COA8: variants seen among roughly 807,000 people sequenced by gnomAD.
COA8 encodes the protein cytochrome c oxidase assembly factor 8.
In COA8, 20 loss-of-function variants were observed where a neutral mutation model predicts 22.0. The observed-to-expected ratio is 0.91, with a 90% CI of 0.64 to 1.32. The LOEUF is 1.32. Ranked by LOEUF, COA8 falls within the 40% of genes most tolerant of loss-of-function variation. The probability of loss-of-function intolerance (pLI) is 0.00; values close to 1 mark genes in which losing one functional copy is unlikely to be tolerated. For missense variants in COA8, 266 were observed against 230.0 expected (o/e 1.16, Z -1.01); for synonymous variants, 105 against 79.9 (o/e 1.31, Z -1.68).
intron 1 of COA8, among the ~76,000 whole-genome samples, chr14:103,571,300 C>T (rs1161976684): frequency 6.6e-6 from 1 of 151,748 alleles, no homozygotes; most frequent in Admixed American, 6.6e-5. Context: ...ACCTGGGAGG[C>T]GGAGCTTGCA....
In COA8 at chr14:103,590,622, C is replaced by G. The variant is rs1460647890; in HGVS notation, c.*336C>G. 1 of 192,914 alleles carries G rather than the reference C, an allele frequency of 5.2e-6. No homozygotes were observed. Among genetic ancestry groups the G allele is most frequent in the Non-Finnish European group, 1.1e-5 (1 of 93,576 alleles). 12.0% of individuals were successfully genotyped at this position (192,914 alleles called of 1,614,324 possible). A position where few individuals can be genotyped will look rare whatever the true frequency, so the allele number is the denominator to read the frequency against. ...GTGGCTCACACCTGTAATCCCAGCA[C>G]TTTGGGAGGCCGAGGCGGGTGGATC... On this transcript the variant is annotated 3_prime_UTR_variant, in exon 5 of 5. Coordinates refer to ENST00000409074, the MANE Select transcript of COA8 (RefSeq NM_001370595.2).
At chr14:103,588,780 T>A (rs1033660223) in intron 4 of COA8, among the ~76,000 whole-genome samples, 4 of 152,082 alleles carry the variant, frequency 2.6e-5, no homozygotes, top group African/African-American at 9.7e-5. Context: ...AGGTGGAGGT[T>A]GCAGTGAGCC....
intron 1 of COA8, among the ~76,000 whole-genome samples, chr14:103,568,995 G>A (rs568254137): frequency 3.3e-5 from 5 of 152,160 alleles, no homozygotes; most frequent in Admixed American, 6.5e-5. Flanking sequence ...ATGCAGATTC[G>A]GCCTGACCAG....
intron 1 of COA8, chr14:103,563,500 A>G (rs2076109346): frequency 8.0e-6 from 3 of 375,756 alleles, no homozygotes; most frequent in South Asian, 6.7e-5. Flanking sequence ...TGTTACAATT[A>G]TTAGTGCTTT....
chr14:103,574,099 T>TA lies in COA8; in HGVS notation c.322-8_322-7insA. On this transcript the variant is annotated splice_region_variant and splice_polypyrimidine_tract_variant and intron_variant, in intron 2 of 4. Transcript: ENST00000409074. ...GAGCCTTTTTTTTTTTTTTTTTTTTTTTTTAAGGAAAAAGAAGAATTTATT... is the reference window on the plus strand; with the variant it reads ...GAGCCTTTTTTTTTTTTTTTTTTTTTATTTTAAGGAAAAAGAAGAATTTATT... 1 of 1,533,280 alleles carries TA rather than the reference T, an allele frequency of 6.5e-7. No homozygotes were observed. Among genetic ancestry groups the TA allele is most frequent in the Non-Finnish European group, 8.7e-7 (1 of 1,147,778 alleles). The allele number at this position is 1,533,280 out of a possible 1,614,324, so 95.0% of individuals were successfully genotyped here. A position where few individuals can be genotyped will look rare whatever the true frequency, so the allele number is the denominator to read the frequency against.
intron 1 of COA8, among the ~76,000 whole-genome samples, chr14:103,566,069 A>G (rs1019127680): frequency 1.3e-5 from 2 of 152,100 alleles, no homozygotes; most frequent in African/African-American, 4.8e-5. Flanking sequence ...TTTTAACCCC[A>G]TCTTCTTTTT....
intron 2 of COA8, among the ~76,000 whole-genome samples, chr14:103,572,812 C>T (rs1417396063): frequency 1.3e-5 from 2 of 150,096 alleles, no homozygotes; most frequent in African/African-American, 4.9e-5. Flanking sequence ...GAGACGGAGT[C>T]TCGCTCTGTC....
rs1414839301 is a variant in COA8 at position 103,574,147 on chromosome 14, G to T, written c.362G>T (p.Gly121Val). 3 of 1,594,938 alleles carry T rather than the reference G, an allele frequency of 1.9e-6. No homozygotes were observed. The highest frequency in any genetic ancestry group is 1.7e-6 in the Non-Finnish European group (2 of 1,170,490). ...ATTCACTCAAGACTAAAAACTAAAG[G>T]CCTGGGCCTGAGAACTGAATCAGGT... Reference protein sequence around the residue: ...EFIHSRLKTKGLGLRTESGQK... With the variant: ...EFIHSRLKTKVLGLRTESGQK... The change falls in exon 3 of 5, where the codon GGC becomes GTC. Residue 121 changes from glycine (G) to valine (V), a missense_variant. Coordinates refer to ENST00000409074, the MANE Select transcript of COA8 (RefSeq NM_001370595.2).
At chr14:103,580,799 T>G (rs2076262258) in intron 3 of COA8, among the ~76,000 whole-genome samples, 2 of 139,568 alleles carry the variant, frequency 1.4e-5, no homozygotes, top group East Asian at 2.1e-4. Context: ...GGCCTGTTGT[T>G]TTTTTTTTTT....
At chr14:103,572,819 T>C (rs1254435755) in intron 2 of COA8, among the ~76,000 whole-genome samples, 4 of 151,726 alleles carry the variant, frequency 2.6e-5, no homozygotes, top group Non-Finnish European at 5.9e-5. Context: ...AGTCTCGCTC[T>C]GTCACCAAGC....
At chr14:103,569,888 G>T (rs1324727276) in intron 1 of COA8, among the ~76,000 whole-genome samples, 1 of 152,064 alleles carries the variant, frequency 6.6e-6, no homozygotes, top group Non-Finnish European at 1.5e-5. Context: ...ACGGAGTCTC[G>T]CTCTGTCGCC....
At chr14:103,573,467 G>A (rs558552465) in intron 2 of COA8, among the ~76,000 whole-genome samples, 76 of 152,130 alleles carry the variant, frequency 5.0e-4, no homozygotes, top group Middle Eastern at 3.4e-3. Context: ...CATCGTGCCC[G>A]GCAACATTTA....
intron 1 of COA8, 99 bp from the exon 2 acceptor site, chr14:103,571,524 G>T: frequency 8.0e-7 from 1 of 1,243,630 alleles, no homozygotes; most frequent in South Asian, 1.4e-5. Context: ...GCAACAGAGC[G>T]AGACTCCGTC....
intron 1 of COA8, among the ~76,000 whole-genome samples, chr14:103,566,274 A>T (rs940668841): frequency 2.0e-5 from 3 of 152,100 alleles, no homozygotes; most frequent in African/African-American, 7.2e-5. Flanking sequence ...TACAAAAATT[A>T]GCCGGGCATG....
chr14:103,565,118 G>C (rs1250896718), intron 1 of COA8, among the ~76,000 whole-genome samples: 1 of 151,858 alleles, frequency 6.6e-6, no homozygotes, highest in African/African-American at 2.4e-5. Context: ...GCCACGCCTG[G>C]TTAATTTTTT....
chr14:103,575,136 G>A (rs888926910), intron 3 of COA8, among the ~76,000 whole-genome samples: 4 of 152,228 alleles, frequency 2.6e-5, no homozygotes, highest in African/African-American at 7.2e-5. Flanking sequence ...GCGTGTGTAC[G>A]CATGTGTGTG....
At chr14:103,575,166 A>ATG (rs1566981339) in intron 3 of COA8, among the ~76,000 whole-genome samples, 1 of 152,178 alleles carries the variant, frequency 6.6e-6, no homozygotes, top group Non-Finnish European at 1.5e-5. Context: ...ACGTGTGTAC[A>ATG]TGTGTGTGTG....
rs568010188 is a variant in COA8 at position 103,567,902 on chromosome 14, A to G, written c.124-3721A>G. ...TGGATAGCTCTCCCATCTCGTTGGCATTCCTGAAATTAGGAGACTGTTTTC... is the reference window on the plus strand; with the variant it reads ...TGGATAGCTCTCCCATCTCGTTGGCGTTCCTGAAATTAGGAGACTGTTTTC... On this transcript the variant is annotated intron_variant, in intron 1 of 4. Transcript: ENST00000409074. Among the ~76,000 whole-genome samples, 5 of 152,260 alleles carry G rather than the reference A, an allele frequency of 3.3e-5. No individual in the cohort carries two copies. The East Asian group carries it at 7.7e-4, about 23-fold the overall frequency.
chr14:103,575,470 G>A (rs888416235), intron 3 of COA8, among the ~76,000 whole-genome samples: 13 of 152,188 alleles, frequency 8.5e-5, no homozygotes, highest in Non-Finnish European at 1.6e-4. Flanking sequence ...AGCAGGCCAC[G>A]GTGCCTGCAG....
Sources: allele counts gnomAD v4.1 joint callset (sites outside exome capture counted in the v4.1 genomes callset), GRCh38; gene constraint gnomAD v4.1.1; transcripts MANE v1.5; gene names NCBI Gene and HGNC (gene_info 2026-07-23, HGNC 2026-07-21).